The following SLC22A23 variants were observed in gnomAD, a reference collection of about 807,000 sequenced individuals.
The protein encoded by SLC22A23 is ion transporter protein.
A neutral mutation model predicts 61.0 loss-of-function variants in SLC22A23; 26 were observed. The observed-to-expected ratio is 0.43, with a 90% CI of 0.31 to 0.59. The LOEUF (loss-of-function observed/expected upper bound fraction) is 0.59, where lower values mean the gene tolerates loss of function less well. Among genes scored for constraint, SLC22A23 ranks in the 20% least tolerant of loss-of-function variants. The pLI is 0.11. For synonymous variants in SLC22A23, 430 were observed against 413.9 expected (o/e 1.04, Z -0.47); for missense variants, 796 against 934.7 (o/e 0.85, Z 1.94).
chr6:3,271,960 G>A lies in SLC22A23; in HGVS notation c.*1095C>T, dbSNP rs7746836. ...CCACCTCTGTGCTATGCGAGTGACT[G>A]CAAGCAGGAAGCTGGCCCAGGAAGG... On this transcript the variant is annotated 3_prime_UTR_variant, in exon 10 of 10. Transcript: ENST00000406686. The A allele has an allele frequency of 0.16, 23,880 of 152,402 alleles. 5,473 individuals are homozygous for A. The highest frequency in any genetic ancestry group is 0.5 in the African/African-American group (20,856 of 41,426). The allele number at this position is 152,402 out of a possible 1,614,324, so 9.4% of individuals were successfully genotyped here. A position where few individuals can be genotyped will look rare whatever the true frequency, so the allele number is the denominator to read the frequency against.
chr6:3,436,582 C>G (rs903986396), intron 1 of SLC22A23, among the ~76,000 whole-genome samples: 1 of 152,194 alleles, frequency 6.6e-6, no homozygotes, highest in Non-Finnish European at 1.5e-5. Flanking sequence ...CGCTCCTTCC[C>G]GTTACAGGGC....
chr6:3,368,409 A>G (rs1765979704), intron 3 of SLC22A23, among the ~76,000 whole-genome samples: 1 of 152,220 alleles, frequency 6.6e-6, no homozygotes, highest in Non-Finnish European at 1.5e-5. Context: ...GCATGTGTGC[A>G]TGTGTGTGTA....
At chr6:3,352,296 T>C (rs1038222739) in intron 3 of SLC22A23, among the ~76,000 whole-genome samples, 7 of 147,458 alleles carry the variant, frequency 4.7e-5, no homozygotes, top group African/African-American at 1.3e-4. Context: ...CACACAGCCA[T>C]AGACACTTAC....
In SLC22A23 at chr6:3,381,135, T is replaced by A. The variant is rs185487512; in HGVS notation, c.913+29053A>T. Among the ~76,000 whole-genome samples the A allele has an allele frequency of 8.7e-4, 133 of 152,256 alleles. 1 individual carries two copies. Among genetic ancestry groups the A allele is most frequent in the Middle Eastern group, 3.4e-3 (1 of 294 alleles). On this transcript the variant is annotated intron_variant, in intron 3 of 9. Transcript: ENST00000406686. ...TGATGTCTCTAGGCCACTTTCTGTG[T>A]CTCCTTCATCAGAGCCCGAGAACCA...
In SLC22A23 at chr6:3,321,373, C is replaced by T. The variant is rs4959815; in HGVS notation, c.1082+2461G>A. Among the ~76,000 whole-genome samples, 184 of 151,524 alleles carry T rather than the reference C, an allele frequency of 1.2e-3. 2 individuals carry two copies. The highest frequency in any genetic ancestry group is 4.0e-3 in the African/African-American group (168 of 41,544). ...TGGGACCGCCATCCTCATGCACACA[C>T]GTGCACACACATGCACACACGTACA... is the stretch of plus-strand genomic sequence containing the variant. On this transcript the variant is annotated intron_variant, in intron 4 of 9. Coordinates refer to ENST00000406686, the MANE Select transcript of SLC22A23 (RefSeq NM_015482.2).
intron 3 of SLC22A23, among the ~76,000 whole-genome samples, chr6:3,406,526 C>CTGTG (rs61072525): frequency 6.8e-5 from 7 of 103,286 alleles, no homozygotes; most frequent in South Asian, 3.2e-4. Flanking sequence ...TTTCGACTGC[C>CTGTG]TGTGTGTGTG....
intron 4 of SLC22A23, among the ~76,000 whole-genome samples, chr6:3,298,459 G>A (rs997258796): frequency 6.6e-6 from 1 of 151,876 alleles, no homozygotes. Flanking sequence ...TCTCACCCAC[G>A]TATGGAAGCT....
intron 3 of SLC22A23, among the ~76,000 whole-genome samples, chr6:3,377,550 G>A (rs952773454): frequency 3.3e-5 from 5 of 152,216 alleles, no homozygotes; most frequent in African/African-American, 4.8e-5. Context: ...CAGCATGAAG[G>A]CAGAAAGCAC....
chr6:3,334,526 T>C (rs548626973), intron 3 of SLC22A23, among the ~76,000 whole-genome samples: 82 of 150,978 alleles, frequency 5.4e-4, no homozygotes, highest in African/African-American at 1.9e-3. Flanking sequence ...AAAAAAAGAG[T>C]TCTTCCAACA....
rs1215319880 is a variant in SLC22A23, at chr6:3,318,021, C to T, written c.1082+5813G>A. On this transcript the variant is annotated intron_variant, in intron 4 of 9. Transcript: ENST00000406686. The surrounding 1 kb of genome is among the most constrained non-coding windows in gnomAD (Gnocchi z 4.3). Reference sequence around the variant, plus strand: ...TCATTCATGTGTCCCATCTTCCTTGCATCACCAGAGACTCCTGTGCTCACT... The same window carrying T: ...TCATTCATGTGTCCCATCTTCCTTGTATCACCAGAGACTCCTGTGCTCACT... 6.6e-6 allele frequency among the ~76,000 whole-genome samples: 1 copy of T among 152,166 alleles called. No homozygotes were observed. Among genetic ancestry groups the T allele is most frequent in the Non-Finnish European group, 1.5e-5 (1 of 68,034 alleles).
chr6:3,453,498 G>A (rs542337679), intron 1 of SLC22A23, among the ~76,000 whole-genome samples: 18 of 152,052 alleles, frequency 1.2e-4, no homozygotes, highest in Non-Finnish European at 2.5e-4. Flanking sequence ...CAATAACCTG[G>A]GATTCTAACT....
chr6:3,447,006 G>C (rs1420156972), intron 1 of SLC22A23, among the ~76,000 whole-genome samples: 1 of 150,246 alleles, frequency 6.7e-6, no homozygotes, highest in Admixed American at 6.6e-5. Flanking sequence ...TCCCCACCAC[G>C]CGAGATCTCA....
At position 3,273,189 on chromosome 6, in the gene SLC22A23, G is replaced by A; in HGVS notation, c.1927C>T (p.Pro643Ser). Residue 643 changes from proline (P) to serine (S), a missense_variant, in exon 10 of 10, where the codon CCG becomes TCG. Physicochemically the swap from Pro to Ser is moderately conservative, Grantham distance 74. Transcript: ENST00000406686. ...GEHYTRQPLLPHKKGEQPLLL... is the reference protein window; with the variant it reads ...GEHYTRQPLLSHKKGEQPLLL... The stretch of plus-strand genomic sequence containing the variant: ...AGTGGCTGCTCCCCCTTCTTGTGCG[G>A]CAGCAGCGGCTGGCGCGTGTAGTGC... 6.2e-7 allele frequency: 1 copy of A among 1,613,118 alleles called. No individual in the cohort carries two copies. The highest frequency in any genetic ancestry group is 8.5e-7 in the Non-Finnish European group (1 of 1,179,780).
At chr6:3,287,158 G>C (rs573601720) in intron 6 of SLC22A23, 67 bp from the exon 7 acceptor site, 146 of 1,462,668 alleles carry the variant, frequency 1.0e-4, no homozygotes. Flanking sequence ...TGCCTCCTGG[G>C]AGTTCGTGCT....
intron 3 of SLC22A23, among the ~76,000 whole-genome samples, chr6:3,349,147 C>T (rs780647519): frequency 1.3e-5 from 2 of 152,220 alleles, no homozygotes; most frequent in Non-Finnish European, 2.9e-5. Flanking sequence ...CCCACTGGGG[C>T]CAACTGGCCG....
At chr6:3,273,549 C>T (rs1758628025) in intron 9 of SLC22A23, 137 bp from the exon 10 acceptor site, 2 of 836,066 alleles carry the variant, frequency 2.4e-6, no homozygotes, top group African/African-American at 1.7e-5. Flanking sequence ...CCCGACCTCA[C>T]ACGTCCCATG....
intron 1 of SLC22A23, among the ~76,000 whole-genome samples, chr6:3,442,738 G>A (rs1771676486): frequency 6.6e-6 from 1 of 151,852 alleles, no homozygotes; most frequent in African/African-American, 2.4e-5. Flanking sequence ...TTTTTAAAAT[G>A]ATTCTAAGAA....
intron 3 of SLC22A23, among the ~76,000 whole-genome samples, chr6:3,407,547 A>G (rs1450312233): frequency 1.3e-5 from 2 of 152,158 alleles, no homozygotes; most frequent in Non-Finnish European, 2.9e-5. Context: ...CTCTTTTGCC[A>G]TCTCTCAACC....
intron 3 of SLC22A23, among the ~76,000 whole-genome samples, chr6:3,407,148 G>A (rs1425988731): frequency 6.6e-6 from 1 of 152,208 alleles, no homozygotes; most frequent in African/African-American, 2.4e-5. Flanking sequence ...CATTACAAAT[G>A]TAACTTCCAA....
Sources: gnomAD v4.1 joint callset for allele counts (sites outside exome capture counted in the v4.1 genomes callset) on GRCh38, gnomAD v4.1.1 for gene constraint, Gnocchi (gnomAD v3.1) non-coding constraint, MANE v1.5 for transcripts, NCBI Gene and HGNC (gene_info 2026-07-23, HGNC 2026-07-21) for gene names.